The following SI variants were observed in gnomAD, a reference collection of about 807,000 sequenced individuals.
The protein encoded by SI is sucrase-isomaltase, intestinal.
In SI, 235 loss-of-function variants were observed where a neutral mutation model predicts 253.3. That is an observed-to-expected ratio of 0.93 (90% CI 0.83 to 1.03). The LOEUF (loss-of-function observed/expected upper bound fraction) is 1.03, where lower values mean the gene tolerates loss of function less well. Among genes scored for constraint, SI ranks in the 50% least tolerant of loss-of-function variants. SI has a pLI of 0.00. For missense variants in SI, 2,442 were observed against 2,211.1 expected, an observed-to-expected ratio of 1.10 and a Z score of -2.09; for synonymous variants, 819 against 712.0, an observed-to-expected ratio of 1.15 and a Z score of -2.39.
intron 8 of SI, among the ~76,000 whole-genome samples, chr3:165,063,091 C>T (rs750201198): frequency 1.3e-4 from 19 of 151,934 alleles, no homozygotes; most frequent in Non-Finnish European, 2.5e-4. Context: ...TTTTCTACTT[C>T]CATAGACATC....
rs1232250468 is a variant in SI at position 165,067,474 on chromosome 3, A to G, written c.501T>C (p.Asn167=). ...ACTGATGAGGAACTTCATATCTTCT[A>G]TTATTTGGATCAGTAATCTGGAAAG... is the stretch of plus-strand genomic sequence containing the variant. ...RFRFKITDPN[N]RRYEVPHQYV... is the part of the protein sequence containing the mutation. The change falls in exon 6 of 48, where the codon AAT becomes AAC. Residue 167 remains asparagine (N), a synonymous_variant. Coordinates refer to ENST00000264382, the MANE Select transcript of SI (RefSeq NM_001041.4). 2 of 1,609,728 alleles carry G rather than the reference A, an allele frequency of 1.2e-6. No homozygotes were observed. Among genetic ancestry groups the G allele is most frequent in the Admixed American group, 1.7e-5 (1 of 59,968 alleles).
At chr3:164,998,787 T>C (rs2108139689) in intron 37 of SI, 114 bp from the exon 38 acceptor site, 1 of 869,414 alleles carries the variant, frequency 1.2e-6, no homozygotes, top group Non-Finnish European at 1.9e-6. Flanking sequence ...TATATTGTCA[T>C]TTATTACAAC....
Position 164,982,314 on chromosome 3 carries a change from C to G in SI, c.5344G>C (p.Val1782Leu), listed in dbSNP as rs1559974743. ...TTATACGTTAGAGTAACTGCATTGA[C>G]AGGAGTAGTTCCTTTCCCCCATACA... is the stretch of plus-strand genomic sequence containing the variant. ...LHVWGKGTTP[V>L]NAVTLTYNGN... is the part of the protein sequence containing the mutation. The change falls in exon 47 of 48, where the codon GTC (valine) becomes CTC (leucine). Residue 1782 changes from valine (V) to leucine (L), a missense_variant. Val to Leu is a conservative substitution (Grantham distance 32). Coordinates refer to ENST00000264382, the MANE Select transcript of SI (RefSeq NM_001041.4). 1 of 1,612,924 alleles carries G rather than the reference C, an allele frequency of 6.2e-7. No homozygotes were observed. The highest frequency in any genetic ancestry group is 8.5e-7 in the Non-Finnish European group (1 of 1,179,258).
At position 165,036,442 on chromosome 3, in the gene SI, C is replaced by T. The variant is rs1712534528; in HGVS notation, c.2462G>A (p.Gly821Asp). The change falls in exon 22 of 48, where the codon GGT (glycine) becomes GAT (aspartate). Residue 821 changes from glycine to aspartate, a missense_variant. Physicochemically the swap from Gly to Asp is moderately conservative, Grantham distance 94. Coordinates refer to ENST00000264382, the MANE Select transcript of SI (RefSeq NM_001041.4). ...GTCTCCTTTGGCTGTGTTGTTTTCA[C>T]CTAATGCGACTATAAGTCCTAGAGG... ...KNPLGLIVAL[G>D]ENNTAKGDFF... 1 of 1,611,496 alleles carries T rather than the reference C, an allele frequency of 6.2e-7. No individual in the cohort carries two copies. Among genetic ancestry groups the T allele is most frequent in the Non-Finnish European group, 8.5e-7 (1 of 1,178,360 alleles).
intron 15 of SI, among the ~76,000 whole-genome samples, chr3:165,047,816 TG>T (rs1713202126): frequency 6.9e-6 from 1 of 145,728 alleles, no homozygotes; most frequent in African/African-American, 2.5e-5. Context: ...CAGGCAAGGT[TG>T]GGATAAAACT....
At chr3:164,989,389 G>GGAAGAAAGA (rs1717608656) in intron 44 of SI, among the ~76,000 whole-genome samples, 1 of 59,428 alleles carries the variant, frequency 1.7e-5, no homozygotes, top group South Asian at 7.7e-4. Context: ...AGAAAGAAAG[G>GGAAGAAAGA]AAGAAAGAAA....
chr3:165,060,023 A>G lies in SI; in HGVS notation c.1025T>C (p.Val342Ala), dbSNP rs1444110170. 3 of 1,611,284 alleles carry G rather than the reference A, an allele frequency of 1.9e-6. No individual in the cohort carries two copies. Among genetic ancestry groups the G allele is most frequent in the Non-Finnish European group, 2.5e-6 (3 of 1,178,248 alleles). ...EQVVQQYQQL[V>A]GLPAMPAYWN... is the part of the protein sequence containing the mutation. ...ATATGCTGGCATTGCTGGTAGTCCA[A>G]CAAGCTTAAAGTAAATGAGCATGTA... The change falls in exon 10 of 48, where the codon GTT (valine) becomes GCT (alanine). Residue 342 changes from valine to alanine, a missense_variant. Val to Ala is a moderately conservative substitution (Grantham distance 64, BLOSUM62 0). Coordinates refer to ENST00000264382, the MANE Select transcript of SI (RefSeq NM_001041.4).
chr3:165,073,182 C>G (rs1192241853), intron 3 of SI, among the ~76,000 whole-genome samples: 5 of 3,204 alleles, frequency 1.6e-3, no homozygotes, highest in Non-Finnish European at 5.7e-3. Context: ...CTCTCTCTCT[C>G]TCTCTCTCTC....
At chr3:164,988,338 G>A (rs1717541198) in intron 44 of SI, among the ~76,000 whole-genome samples, 1 of 152,138 alleles carries the variant, frequency 6.6e-6, no homozygotes, top group Non-Finnish European at 1.5e-5. Flanking sequence ...TCAGTTCACA[G>A]TCACTGGGGT....
At chr3:165,009,515 C>A in intron 34 of SI, 120 bp from the exon 35 acceptor site, 1 of 693,002 alleles carries the variant, frequency 1.4e-6, no homozygotes, top group South Asian at 1.6e-5. Flanking sequence ...AGGAAATTGA[C>A]ATCAATCTTA....
At chr3:165,025,163 T>A (rs1254327517) in intron 25 of SI, among the ~76,000 whole-genome samples, 1 of 151,134 alleles carries the variant, frequency 6.6e-6, no homozygotes, top group Admixed American at 6.6e-5. Context: ...TCAAGCTTAT[T>A]TCGTTGATGA....
intron 25 of SI, among the ~76,000 whole-genome samples, chr3:165,025,457 C>A (rs959856059): frequency 6.6e-6 from 1 of 151,084 alleles, no homozygotes; most frequent in Non-Finnish European, 1.5e-5. Context: ...CTTCCCTGGC[C>A]TTGCTAGAGA....
chr3:164,982,242 C>G lies in SI; in HGVS notation c.5415+1G>C. ...GAAAAATATTTTCTTACATTACTTA[C>G]CATGTTGGTAGTGTCTTCATTAAAA... On this transcript the variant is annotated splice_donor_variant, in intron 47 of 47. Coordinates refer to ENST00000264382, the MANE Select transcript of SI (RefSeq NM_001041.4). LOFTEE classifies it high-confidence loss of function. The G allele has an allele frequency of 6.2e-7, 1 of 1,610,264 alleles. No homozygotes were observed. Among genetic ancestry groups the G allele is most frequent in the Non-Finnish European group, 8.5e-7 (1 of 1,177,236 alleles).
At chr3:165,011,088 T>C (rs866448230) in intron 34 of SI, among the ~76,000 whole-genome samples, 6 of 152,314 alleles carry the variant, frequency 3.9e-5, no homozygotes, top group East Asian at 1.9e-4. Context: ...GTTTTGTTGA[T>C]ATTTTCTATT....
chr3:165,027,703 C>T (rs1712003291), intron 25 of SI, among the ~76,000 whole-genome samples: 1 of 151,350 alleles, frequency 6.6e-6, no homozygotes, highest in African/African-American at 2.4e-5. Flanking sequence ...GAATTAAAAA[C>T]AAAAATCACG....
At chr3:164,982,197 C>T (rs1717219738) in intron 47 of SI, 46 bp downstream of exon 47, 4 of 1,467,638 alleles carry the variant, frequency 2.7e-6, no homozygotes, top group East Asian at 2.3e-5. Context: ...CATGTAGATG[C>T]TTTAAATACG....
Position 165,021,234 on chromosome 3 carries a change from T to G in SI, c.3249A>C (p.Arg1083Ser). ...CAAATAATTCAATTACTTACATGAC[T>G]CTTCCACTGCTTCTCCGTCGAATCT... ...GIQIRRRSSG[R>S]VIWDSWLPGF... The change falls in exon 27 of 48, where the codon AGA becomes AGC. Residue 1083 changes from arginine to serine, a missense_variant. Transcript: ENST00000264382. 2 of 1,610,206 alleles carry G rather than the reference T, an allele frequency of 1.2e-6. No individual in the cohort carries two copies. The highest frequency in any genetic ancestry group is 1.7e-6 in the Non-Finnish European group (2 of 1,177,190).
chr3:165,015,037 C>T (rs1002940547), intron 33 of SI, 86 bp downstream of exon 33: 34 of 950,708 alleles, frequency 3.6e-5, no homozygotes, highest in Non-Finnish European at 5.5e-5. Flanking sequence ...CTCTCCTGAA[C>T]GGTTTTAACT....
chr3:165,085,408 T>A, the SI span, among the ~76,000 whole-genome samples: 3 of 152,290 alleles, frequency 2.0e-5, no homozygotes, highest in African/African-American at 7.2e-5. Flanking sequence ...AAACTCCTTT[T>A]TGTATTCATC....
Sources: allele counts gnomAD v4.1 joint callset (sites outside exome capture counted in the v4.1 genomes callset), GRCh38; gene constraint gnomAD v4.1.1; transcripts MANE v1.5; gene names NCBI Gene and HGNC (gene_info 2026-07-23, HGNC 2026-07-21).